Variants in NT5C2 observed in about 807,000 individuals in gnomAD.
NT5C2 encodes the protein cytosolic purine 5'-nucleotidase.
Under a neutral mutation model 76.1 loss-of-function variants are expected in NT5C2, and 58 were observed. The ratio of observed to expected loss-of-function variants is 0.76; its 90% CI spans 0.62 to 0.95. The LOEUF (loss-of-function observed/expected upper bound fraction) is 0.95. Among genes scored for constraint, NT5C2 ranks in the 40% least tolerant of loss-of-function variants. The pLI, the probability that NT5C2 is intolerant of heterozygous loss-of-function variation, is 0.00. For missense variants in NT5C2, 478 were observed against 690.3 expected (o/e 0.69, Z 3.45); for synonymous variants, 229 against 237.4 (o/e 0.96, Z 0.32).
chr10:103,142,579 GATCTCC>G (rs1217265681), intron 3 of NT5C2, among the ~76,000 whole-genome samples: 8 of 152,070 alleles, frequency 5.3e-5, no homozygotes, highest in Non-Finnish European at 8.8e-5. Context: ...GCTGAAGTGG[GATCTCC>G]TGAGCCTGAG....
chr10:103,175,062 A>T, intron 2 of NT5C2, 80 bp from the exon 3 acceptor site: 1 of 783,464 alleles, frequency 1.3e-6, no homozygotes, highest in South Asian at 1.6e-5. Context: ...AAATCAGAAA[A>T]ACTCCAGCTT....
At chr10:103,154,095 T>G (rs1379946402) in intron 3 of NT5C2, among the ~76,000 whole-genome samples, 4 of 152,176 alleles carry the variant, frequency 2.6e-5, no homozygotes, top group African/African-American at 7.2e-5. Flanking sequence ...AAAAAGAATC[T>G]GTAACATTCC....
At chr10:103,112,815 T>C (rs1346478258) in intron 4 of NT5C2, among the ~76,000 whole-genome samples, 1 of 152,246 alleles carries the variant, frequency 6.6e-6, no homozygotes, top group African/African-American at 2.4e-5. Flanking sequence ...CATGCTCATC[T>C]ATTTAGCTGT....
chr10:103,119,899 G>A (rs896497476), intron 4 of NT5C2, among the ~76,000 whole-genome samples: 3 of 152,022 alleles, frequency 2.0e-5, no homozygotes, highest in African/African-American at 7.2e-5. Flanking sequence ...AGGAATTAGA[G>A]ACCAGCCTGG....
At chr10:103,118,776 T>C (rs1290433794) in intron 4 of NT5C2, among the ~76,000 whole-genome samples, 1 of 152,162 alleles carries the variant, frequency 6.6e-6, no homozygotes, top group Admixed American at 6.5e-5. Flanking sequence ...TTTTTATTAA[T>C]TTTATTAACC....
rs2084487553 is a variant in NT5C2, at chr10:103,160,203, A to T, written c.101+14655T>A. Among the ~76,000 whole-genome samples, 5 of 152,318 alleles carry T rather than the reference A, an allele frequency of 3.3e-5. No individual in the cohort carries two copies. The South Asian group carries it at 1.0e-3, about 32-fold the overall frequency. ...CTGGATAGTCATGTGCAAAAAAATG[A>T]ATCTGGACCCCTATCTTATATAATA... is the stretch of plus-strand genomic sequence containing the variant. On this transcript the variant is annotated intron_variant, in intron 3 of 18. Coordinates refer to ENST00000404739, the MANE Select transcript of NT5C2 (RefSeq NM_001351169.2).
In NT5C2 at chr10:103,174,862, G is replaced by A; in HGVS notation, c.97C>T (p.His33Tyr). 1 of 1,606,920 alleles carries A rather than the reference G, an allele frequency of 6.2e-7. No homozygotes were observed. The highest frequency in any genetic ancestry group is 2.2e-5 in the East Asian group (1 of 44,818). Residue 33 changes from histidine to tyrosine, a missense_variant, in exon 3 of 19, where the codon CAT (histidine) becomes TAT (tyrosine). Physicochemically the swap from His to Tyr is moderately conservative, Grantham distance 83. Transcript: ENST00000404739. ...TTAAATAGACAAAATACTTACCGAT[G>A]ATAGGCTTCTCGACGATACTTTTTC... ...ALKKYRREAY[H>Y]RVFVNRSLAM...
Position 103,152,858 on chromosome 10 carries a change from C to G in NT5C2, c.102-13379G>C, listed in dbSNP as rs1018577701. ...CTCTAAATTATTTTTTGCCTACATGCCCCAGAAACAAAATCATAGGCTGTT... is the reference window on the plus strand; with the variant it reads ...CTCTAAATTATTTTTTGCCTACATGGCCCAGAAACAAAATCATAGGCTGTT... On this transcript the variant is annotated intron_variant, in intron 3 of 18. Coordinates refer to ENST00000404739, the MANE Select transcript of NT5C2 (RefSeq NM_001351169.2). Among the ~76,000 whole-genome samples the G allele has an allele frequency of 4.6e-5, 7 of 152,096 alleles. No individual in the cohort carries two copies. In the South Asian group the frequency reaches 6.2e-4, roughly 13 times the overall value.
chr10:103,107,613 C>CAGTGAACTGAG (rs2071657572), intron 4 of NT5C2, among the ~76,000 whole-genome samples: 1 of 151,496 alleles, frequency 6.6e-6, no homozygotes, highest in African/African-American at 2.4e-5. Flanking sequence ...GCAGAGGTTG[C>CAGTGAACTGAG]AGTGAACTGA....
intron 6 of NT5C2, among the ~76,000 whole-genome samples, 190 bp from the exon 7 acceptor site, chr10:103,101,516 T>C (rs1590795850): frequency 8.1e-6 from 1 of 123,066 alleles, no homozygotes; most frequent in East Asian, 3.7e-4. Context: ...TAATTTTAAT[T>C]TTTTTTTTTT....
At chr10:103,134,127 C>T (rs1400449148) in intron 4 of NT5C2, among the ~76,000 whole-genome samples, 2 of 152,276 alleles carry the variant, frequency 1.3e-5, no homozygotes, top group East Asian at 3.9e-4. Flanking sequence ...GAAAAGAAAA[C>T]TCATCTCTGA....
intron 6 of NT5C2, among the ~76,000 whole-genome samples, chr10:103,102,669 G>A (rs2070078981): frequency 6.6e-6 from 1 of 151,966 alleles, no homozygotes; most frequent in African/African-American, 2.4e-5. Context: ...TTGGCTGGGG[G>A]AACATTAAAG....
At chr10:103,129,293 G>A (rs2077438547) in intron 4 of NT5C2, among the ~76,000 whole-genome samples, 1 of 122,088 alleles carries the variant, frequency 8.2e-6, no homozygotes, top group Admixed American at 7.4e-5. Flanking sequence ...CGTCCGGGAG[G>A]GAGGTGGGGG....
chr10:103,159,434 A>G (rs532342037), intron 3 of NT5C2, among the ~76,000 whole-genome samples: 17 of 152,260 alleles, frequency 1.1e-4, no homozygotes, highest in African/African-American at 4.1e-4. Context: ...AGCATCAGAA[A>G]TAATGAAAGA....
rs1213999555 is a variant in NT5C2, at chr10:103,181,196, CAAT to C, written c.-39_-37del. 1 of 151,900 alleles carries C rather than the reference CAAT, an allele frequency of 6.6e-6. No individual in the cohort carries two copies. The highest frequency in any genetic ancestry group is 1.5e-5 in the Non-Finnish European group (1 of 68,002). 9.4% of individuals were successfully genotyped at this position (151,900 alleles called of 1,614,324 possible). On this transcript the variant is annotated 5_prime_UTR_variant, in exon 2 of 19. Transcript: ENST00000404739. ...AACTTATTGTATACCAATTATGCCA[CAAT>C]AAGACTTTTTCAGCCAGTGGCAGTG...
At chr10:103,149,163 A>G (rs190301965) in intron 3 of NT5C2, among the ~76,000 whole-genome samples, 2 of 152,318 alleles carry the variant, frequency 1.3e-5, no homozygotes, top group Admixed American at 6.5e-5. Flanking sequence ...GACCGAAAGA[A>G]GCGAAAGCAA....
intron 4 of NT5C2, among the ~76,000 whole-genome samples, chr10:103,133,735 G>A (rs1038217177): frequency 6.6e-6 from 1 of 152,204 alleles, no homozygotes; most frequent in Non-Finnish European, 1.5e-5. Context: ...ACAATTTGGA[G>A]GGCTCAGAAG....
intron 3 of NT5C2, among the ~76,000 whole-genome samples, chr10:103,173,922 C>G (rs190000397): frequency 6.6e-6 from 1 of 151,758 alleles, no homozygotes; most frequent in Non-Finnish European, 1.5e-5. Context: ...ACGGTGAAAC[C>G]CTGTCTCTAC....
At chr10:103,165,280 G>T (rs2086080083) in intron 3 of NT5C2, among the ~76,000 whole-genome samples, 1 of 152,052 alleles carries the variant, frequency 6.6e-6, no homozygotes, top group African/African-American at 2.4e-5. Context: ...GATCACCTGA[G>T]GTCAGGAGTT....
Sources: gnomAD v4.1 joint callset for allele counts (sites outside exome capture counted in the v4.1 genomes callset) on GRCh38, gnomAD v4.1.1 for gene constraint, MANE v1.5 for transcripts, NCBI Gene and HGNC (gene_info 2026-07-23, HGNC 2026-07-21) for gene names.